The following OR6N1 variants were observed in gnomAD, a reference collection of about 807,000 sequenced individuals.
OR6N1 encodes olfactory receptor family 6 subfamily N member 1.
For synonymous variants in OR6N1, 170 were observed against 150.7 expected, an observed-to-expected ratio of 1.13 and a Z score of -0.94; for missense variants, 394 against 371.7, an observed-to-expected ratio of 1.06 and a Z score of -0.49.
the OR6N1 span, among the ~76,000 whole-genome samples, chr1:158,838,949 T>C: frequency 1.3e-5 from 2 of 152,166 alleles, no homozygotes; most frequent in African/African-American, 2.4e-5. Flanking sequence ...CTATTTTTTG[T>C]CTATTCTCAT....
the OR6N1 span, among the ~76,000 whole-genome samples, chr1:158,792,601 G>T: frequency 6.6e-6 from 1 of 152,034 alleles, no homozygotes; most frequent in Admixed American, 6.5e-5. Context: ...TCTTTTGTTT[G>T]TCTGAGAATG....
Position 158,765,332 on chromosome 1 carries a change from T to C in OR6N1, c.*412A>G, listed in dbSNP as rs1379621168. On this transcript the variant is annotated 3_prime_UTR_variant, in exon 2 of 2. Coordinates refer to ENST00000641846, the MANE Select transcript of OR6N1 (RefSeq NM_001005185.2). ...CTGTACCAGTCTTCTCCACATGAAA[T>C]GATTGCAAGTGGTACAAAAAACATC... The C allele has an allele frequency of 1.3e-5, 2 of 157,344 alleles. No homozygotes were observed. Among genetic ancestry groups the C allele is most frequent in the Admixed American group, 6.2e-5 (1 of 16,042 alleles). 9.7% of individuals were successfully genotyped at this position (157,344 alleles called of 1,614,324 possible).
the OR6N1 span, chr1:158,795,935 C>T: frequency 6.6e-6 from 1 of 152,234 alleles, no homozygotes; most frequent in Non-Finnish European, 1.5e-5. Flanking sequence ...GCATGAATCT[C>T]TACACACCAT....
chr1:158,809,817 A>G, the OR6N1 span, among the ~76,000 whole-genome samples: 17 of 152,202 alleles, frequency 1.1e-4, no homozygotes, highest in Non-Finnish European at 1.9e-4. Context: ...GGAATATAAA[A>G]GAAATGCAGA....
chr1:158,809,375 C>G, the OR6N1 span: 1 of 152,422 alleles, frequency 6.6e-6, no homozygotes, highest in African/African-American at 2.4e-5. Context: ...ATATAAATTA[C>G]TTCAAGCTTC....
At chr1:158,806,553 T>C in the OR6N1 span, among the ~76,000 whole-genome samples, 5 of 152,172 alleles carry the variant, frequency 3.3e-5, 1 homozygote, top group Admixed American at 3.3e-4. Flanking sequence ...AATGATAGAA[T>C]TGACTTTTGA....
chr1:158,834,058 C>T, the OR6N1 span, among the ~76,000 whole-genome samples: 1 of 151,956 alleles, frequency 6.6e-6, no homozygotes, highest in Non-Finnish European at 1.5e-5. Flanking sequence ...AAACATCATC[C>T]TAGGAGCTCC....
the OR6N1 span, among the ~76,000 whole-genome samples, chr1:158,826,497 G>T: frequency 6.6e-6 from 1 of 151,986 alleles, no homozygotes; most frequent in South Asian, 2.1e-4. Context: ...ATTTATGTCA[G>T]GAAATTGATG....
chr1:158,769,274 C>T (rs1657352664), intron 1 of OR6N1, among the ~76,000 whole-genome samples: 1 of 152,084 alleles, frequency 6.6e-6, no homozygotes, highest in South Asian at 2.1e-4. Flanking sequence ...AGCAATCCTC[C>T]CACCTCCACC....
chr1:158,825,349 G>C, the OR6N1 span, among the ~76,000 whole-genome samples: 1 of 151,888 alleles, frequency 6.6e-6, no homozygotes, highest in Non-Finnish European at 1.5e-5. Context: ...TGAGGCAGGA[G>C]AATGGTGTGA....
the OR6N1 span, among the ~76,000 whole-genome samples, chr1:158,798,778 G>A: frequency 6.6e-6 from 1 of 152,116 alleles, no homozygotes; most frequent in Non-Finnish European, 1.5e-5. Context: ...CCTAAGGGGA[G>A]AGATTTCAAA....
chr1:158,794,476 G>A, the OR6N1 span, among the ~76,000 whole-genome samples: 175 of 152,276 alleles, frequency 1.1e-3, no homozygotes, highest in African/African-American at 4.0e-3. Context: ...TCTGGGTCGA[G>A]CCACCCAGTG....
chr1:158,786,593 TAA>T, the OR6N1 span, among the ~76,000 whole-genome samples: 1 of 152,182 alleles, frequency 6.6e-6, no homozygotes, highest in African/African-American at 2.4e-5. Context: ...GGAACCAACC[TAA>T]GTGCCCATCC....
At chr1:158,836,501 G>T in the OR6N1 span, among the ~76,000 whole-genome samples, 1 of 151,758 alleles carries the variant, frequency 6.6e-6, no homozygotes, top group African/African-American at 2.4e-5. Context: ...TTTCATTTAG[G>T]TTATCCCACT....
At chr1:158,826,748 T>C in the OR6N1 span, among the ~76,000 whole-genome samples, 1 of 152,086 alleles carries the variant, frequency 6.6e-6, no homozygotes, top group African/African-American at 2.4e-5. Flanking sequence ...GTAGAAAATG[T>C]ATGAGGGGAA....
the OR6N1 span, among the ~76,000 whole-genome samples, chr1:158,840,166 T>C: frequency 6.6e-6 from 1 of 151,984 alleles, no homozygotes. Context: ...GCATTAAGAG[T>C]TCTTCAACAA....
At chr1:158,785,441 G>C in the OR6N1 span, among the ~76,000 whole-genome samples, 2 of 152,078 alleles carry the variant, frequency 1.3e-5, no homozygotes, top group Non-Finnish European at 2.9e-5. Context: ...CAGACTCCTA[G>C]ATCCTTCTCT....
the OR6N1 span, among the ~76,000 whole-genome samples, chr1:158,804,077 C>T: frequency 6.6e-6 from 1 of 152,142 alleles, no homozygotes; most frequent in African/African-American, 2.4e-5. Context: ...TAACTGAGGT[C>T]TGGGGACAGG....
the OR6N1 span, among the ~76,000 whole-genome samples, chr1:158,787,571 C>G: frequency 6.7e-6 from 1 of 149,716 alleles, no homozygotes; most frequent in Non-Finnish European, 1.5e-5. Context: ...TTTAGCAAAC[C>G]ATTACATGTA....
Sources: gnomAD v4.1 joint callset for allele counts (sites outside exome capture counted in the v4.1 genomes callset) on GRCh38, gnomAD v4.1.1 for gene constraint, MANE v1.5 for transcripts, NCBI Gene and HGNC (gene_info 2026-07-23, HGNC 2026-07-21) for gene names.